ITPR1: variants seen among roughly 807,000 people sequenced by gnomAD.
ITPR1 encodes the protein inositol 1,4,5-trisphosphate-gated calcium channel ITPR1.
A neutral mutation model predicts 318.4 loss-of-function variants in ITPR1; 96 were observed. The observed-to-expected ratio is 0.30, with a 90% CI of 0.26 to 0.36. The LOEUF (loss-of-function observed/expected upper bound fraction) is 0.36, where lower values mean the gene tolerates loss of function less well. Ranked by LOEUF, ITPR1 falls within the 10% of genes least tolerant of loss-of-function variation. The probability of loss-of-function intolerance (pLI) is 1.00; values close to 1 mark genes in which losing one functional copy is unlikely to be tolerated. For missense variants in ITPR1, 2,440 were observed against 3,460.2 expected (o/e 0.71, Z 7.40); for synonymous variants, 1,312 against 1,289.9 (o/e 1.02, Z -0.37).
intron 57 of ITPR1, among the ~76,000 whole-genome samples, chr3:4,813,896 G>T: frequency 6.6e-6 from 1 of 152,190 alleles, no homozygotes; most frequent in Non-Finnish European, 1.5e-5. Context: ...TCTGCAGCTG[G>T]AGAAAGGAAT....
intron 4 of ITPR1, among the ~76,000 whole-genome samples, chr3:4,539,864 A>G (rs68161849): frequency 0.16 from 24,919 of 152,008 alleles, 2,521 homozygotes; most frequent in East Asian, 0.34. Context: ...GGCTGTCACC[A>G]GATGTGGCCT....
chr3:4,691,297 G>A lies in ITPR1; in HGVS notation c.3982G>A (p.Ala1328Thr). ...AAAGTTCTTACAGACAATTGTCAAG[G>A]CAGAAGGGAAATTTATTAAAAAATG... is the stretch of plus-strand genomic sequence containing the variant. Reference protein sequence around the residue: ...YIKFLQTIVKAEGKFIKKCQD... With the variant: ...YIKFLQTIVKTEGKFIKKCQD... The change falls in exon 32 of 62, where the codon GCA becomes ACA. Residue 1328 changes from alanine (A) to threonine (T), a missense_variant. This residue lies in a region of ITPR1 where 222 missense variants were observed against 318.8 expected (regional missense o/e 0.70). Coordinates refer to ENST00000649015, the MANE Select transcript of ITPR1 (RefSeq NM_001378452.1). The A allele has an allele frequency of 1.9e-6, 3 of 1,613,458 alleles. No individual in the cohort carries two copies. Among genetic ancestry groups the A allele is most frequent in the Non-Finnish European group, 2.5e-6 (3 of 1,179,522 alleles).
At chr3:4,636,428 G>A (rs1016347638) in intron 5 of ITPR1, among the ~76,000 whole-genome samples, 2 of 152,096 alleles carry the variant, frequency 1.3e-5, no homozygotes, top group Non-Finnish European at 2.9e-5. Flanking sequence ...TGATATTTGA[G>A]AATGTCTTAT....
intron 44 of ITPR1, among the ~76,000 whole-genome samples, chr3:4,737,604 C>T (rs575643377): frequency 6.6e-6 from 1 of 152,256 alleles, no homozygotes; most frequent in Admixed American, 6.5e-5. Flanking sequence ...TGCAGCCCTC[C>T]AAGGGGCTTT....
intron 40 of ITPR1, among the ~76,000 whole-genome samples, chr3:4,720,858 C>T (rs576194682): frequency 2.0e-5 from 3 of 152,200 alleles, no homozygotes; most frequent in Non-Finnish European, 4.4e-5. Flanking sequence ...GTTCTCATGA[C>T]GCCCAACCCA....
At chr3:4,668,753 A>T (rs1351512366) in intron 18 of ITPR1, among the ~76,000 whole-genome samples, 2 of 152,200 alleles carry the variant, frequency 1.3e-5, no homozygotes, top group East Asian at 3.8e-4. Flanking sequence ...GGCGTGAGCC[A>T]CCGCGCTCGG....
intron 44 of ITPR1, among the ~76,000 whole-genome samples, chr3:4,753,247 A>T (rs1002328661): frequency 6.6e-6 from 1 of 151,980 alleles, no homozygotes; most frequent in Non-Finnish European, 1.5e-5. Context: ...CTTGTCATCA[A>T]GTCGGGGCTG....
At chr3:4,793,870 A>G (rs1037970238) in intron 52 of ITPR1, among the ~76,000 whole-genome samples, 19 of 152,196 alleles carry the variant, frequency 1.2e-4, no homozygotes, top group African/African-American at 4.3e-4. Flanking sequence ...CAAACATGAT[A>G]TGGGCGATTA....
chr3:4,647,849 G>A lies in ITPR1; in HGVS notation c.855+2121G>A, dbSNP rs144594083. Among the ~76,000 whole-genome samples, 239 of 152,302 alleles carry A rather than the reference G, an allele frequency of 1.6e-3. 1 individual carries two copies. The highest frequency in any genetic ancestry group is 5.5e-3 in the African/African-American group (230 of 41,566). On this transcript the variant is annotated intron_variant, in intron 10 of 61. Coordinates refer to ENST00000649015, the MANE Select transcript of ITPR1 (RefSeq NM_001378452.1). ...ATTGTCTTACCACTCTTTTAACATGGATGTTGTAAGAATCAAGTTCAGCCG... is the reference window on the plus strand; with the variant it reads ...ATTGTCTTACCACTCTTTTAACATGAATGTTGTAAGAATCAAGTTCAGCCG...
intron 4 of ITPR1, among the ~76,000 whole-genome samples, chr3:4,571,646 T>C (rs1392755819): frequency 6.6e-6 from 1 of 152,216 alleles, no homozygotes; most frequent in Non-Finnish European, 1.5e-5. Context: ...ATTTCACTTC[T>C]TACCTACCAC....
intron 35 of ITPR1, among the ~76,000 whole-genome samples, chr3:4,702,140 C>G (rs2094668699): frequency 8.3e-6 from 1 of 119,862 alleles, no homozygotes. Flanking sequence ...AAGTCAGTGT[C>G]AAATTGATTC....
chr3:4,819,089 A>C (rs548143466), intron 60 of ITPR1, among the ~76,000 whole-genome samples: 1 of 152,302 alleles, frequency 6.6e-6, no homozygotes, highest in Admixed American at 6.5e-5. Context: ...ACCCTAAAGG[A>C]GCCTGCTTTT....
intron 36 of ITPR1, among the ~76,000 whole-genome samples, chr3:4,705,788 A>T (rs149350451): frequency 4.2e-4 from 64 of 152,316 alleles, no homozygotes; most frequent in Non-Finnish European, 8.1e-4. Flanking sequence ...AAACCTGAAA[A>T]ATAACTAGCA....
Position 4,624,450 on chromosome 3 carries a change from C to T in ITPR1, c.164-3313C>T, listed in dbSNP as rs933797561. ...TTGGGAGGCCAAGGTGGGTGGATCA[C>T]TTGAGGTCAGGAGTTCGAGACCAGC... On this transcript the variant is annotated intron_variant, in intron 4 of 61. Coordinates refer to ENST00000649015, the MANE Select transcript of ITPR1 (RefSeq NM_001378452.1). 2.6e-5 allele frequency among the ~76,000 whole-genome samples: 4 copies of T among 152,100 alleles called. No homozygotes were observed. In the East Asian group the frequency reaches 5.8e-4, roughly 22 times the overall value.
At chr3:4,667,099 T>A (rs1039284285) in intron 17 of ITPR1, among the ~76,000 whole-genome samples, 11 of 152,148 alleles carry the variant, frequency 7.2e-5, no homozygotes, top group African/African-American at 2.7e-4. Flanking sequence ...AATCACTAGA[T>A]TAAAATTTAT....
intron 60 of ITPR1, among the ~76,000 whole-genome samples, chr3:4,830,536 A>G (rs2050405086): frequency 6.6e-6 from 1 of 152,092 alleles, no homozygotes; most frequent in Admixed American, 6.5e-5. Flanking sequence ...GAAGACATAA[A>G]TATTATCTTC....
At chr3:4,639,560 C>G in intron 6 of ITPR1, 90 bp downstream of exon 6, 1 of 948,922 alleles carries the variant, frequency 1.1e-6, no homozygotes, top group Non-Finnish European at 1.6e-6. Flanking sequence ...GTTTGGACAC[C>G]TTTACAGCAG....
intron 4 of ITPR1, among the ~76,000 whole-genome samples, chr3:4,608,158 A>G (rs2091834159): frequency 6.6e-6 from 1 of 152,136 alleles, no homozygotes; most frequent in Non-Finnish European, 1.5e-5. Context: ...AATTTTCTCA[A>G]TGTTATACAT....
intron 51 of ITPR1, among the ~76,000 whole-genome samples, chr3:4,785,545 A>G (rs1049850148): frequency 7.1e-6 from 1 of 141,594 alleles, no homozygotes; most frequent in South Asian, 2.4e-4. Context: ...TGATTAGCCA[A>G]CCATGCCAGT....
Sources: allele counts gnomAD v4.1 joint callset (sites outside exome capture counted in the v4.1 genomes callset), GRCh38; gene constraint gnomAD v4.1.1; regional missense constraint gnomAD v4.1.1; transcripts MANE v1.5; gene names NCBI Gene and HGNC (gene_info 2026-07-23, HGNC 2026-07-21).